NHSL3: variants seen among roughly 807,000 people sequenced by gnomAD.
The protein encoded by NHSL3 is NHS like 3.
At chr1:32,753,109 C>G in the NHSL3 span, among the ~76,000 whole-genome samples, 1 of 151,310 alleles carries the variant, frequency 6.6e-6, no homozygotes, top group Admixed American at 6.6e-5. Flanking sequence ...GGTGGGATTA[C>G]AGGCATGTGC....
At chr1:32,746,887 C>G in the NHSL3 span, among the ~76,000 whole-genome samples, 3 of 152,154 alleles carry the variant, frequency 2.0e-5, no homozygotes, top group Non-Finnish European at 2.9e-5. Context: ...TGTAGTCCTC[C>G]TGAGGGTTTC....
chr1:32,772,956 A>C, the NHSL3 span: 1 of 1,496,212 alleles, frequency 6.7e-7, no homozygotes, highest in Non-Finnish European at 9.3e-7. Context: ...GAGCAGCTCC[A>C]AGGACGAGAG....
the NHSL3 span, chr1:32,772,564 G>C: frequency 7.1e-7 from 1 of 1,414,202 alleles, no homozygotes; most frequent in Admixed American, 2.8e-5. Context: ...TGCCTGGGAA[G>C]GGCAAGCTGT....
At chr1:32,747,149 C>T in the NHSL3 span, among the ~76,000 whole-genome samples, 5 of 151,738 alleles carry the variant, frequency 3.3e-5, no homozygotes, top group African/African-American at 1.2e-4. Flanking sequence ...CTCTTTGGAC[C>T]AGACATGCCC....
chr1:32,746,202 G>A, the NHSL3 span, among the ~76,000 whole-genome samples: 1 of 144,528 alleles, frequency 6.9e-6, no homozygotes, highest in Non-Finnish European at 1.5e-5. Flanking sequence ...CTGCACTCTA[G>A]CCTGGGCGAC....
At chr1:32,770,408 C>G in the NHSL3 span, 1 of 1,608,004 alleles carries the variant, frequency 6.2e-7, no homozygotes, top group Non-Finnish European at 8.5e-7. The surrounding 1 kb of genome is among the most constrained non-coding windows in gnomAD (Gnocchi z 8.3). Flanking sequence ...CGCCACCCAT[C>G]CTCCTCCAGT....
At chr1:32,752,887 G>T in the NHSL3 span, among the ~76,000 whole-genome samples, 2 of 94,618 alleles carry the variant, frequency 2.1e-5, no homozygotes, top group Non-Finnish European at 4.5e-5. Context: ...CGTTTTTAAA[G>T]AAAAAAAAAA....
the NHSL3 span, among the ~76,000 whole-genome samples, chr1:32,745,830 T>A: frequency 2.0e-5 from 3 of 152,150 alleles, no homozygotes; most frequent in African/African-American, 7.2e-5. Flanking sequence ...AAGTTCACCC[T>A]GATCCATGTT....
chr1:32,752,970 TTG>T, the NHSL3 span, among the ~76,000 whole-genome samples: 3 of 132,494 alleles, frequency 2.3e-5, no homozygotes, highest in Middle Eastern at 4.5e-3. Context: ...TATATATATT[TTG>T]GTTTTTTTTT....
the NHSL3 span, among the ~76,000 whole-genome samples, chr1:32,762,634 G>T: frequency 6.6e-6 from 1 of 151,938 alleles, no homozygotes. Flanking sequence ...TCTTGCCCAG[G>T]CTGGAATGCA....
At chr1:32,764,657 A>AC in the NHSL3 span, among the ~76,000 whole-genome samples, 1 of 152,088 alleles carries the variant, frequency 6.6e-6, no homozygotes, top group Non-Finnish European at 1.5e-5. Context: ...ATTTTAGTAG[A>AC]GACAGGGTTT....
chr1:32,755,067 G>A, the NHSL3 span, among the ~76,000 whole-genome samples: 2 of 152,206 alleles, frequency 1.3e-5, no homozygotes, highest in Non-Finnish European at 2.9e-5. Context: ...GGGGAGGGGA[G>A]GGAAAGGGGA....
chr1:32,767,717 C>A, the NHSL3 span: 1 of 1,388,916 alleles, frequency 7.2e-7, no homozygotes, highest in Non-Finnish European at 9.8e-7. Context: ...ACTGCCCTTG[C>A]CGTGAGACCT....
the NHSL3 span, chr1:32,770,808 A>C: frequency 6.3e-7 from 1 of 1,596,608 alleles, no homozygotes; most frequent in Non-Finnish European, 8.5e-7. The surrounding 1 kb of genome is among the most constrained non-coding windows in gnomAD (Gnocchi z 8.3). Flanking sequence ...GTGGCTCAGA[A>C]GGGGCGGGGG....
the NHSL3 span, among the ~76,000 whole-genome samples, chr1:32,748,046 G>A: frequency 6.6e-6 from 1 of 152,194 alleles, no homozygotes; most frequent in Non-Finnish European, 1.5e-5. Context: ...GGAGGCAGAG[G>A]TTGCAGTGAG....
the NHSL3 span, chr1:32,770,216 C>A: frequency 6.2e-7 from 1 of 1,605,012 alleles, no homozygotes; most frequent in Non-Finnish European, 8.5e-7. This position sits in a 1 kb window ranked among gnomAD's most constrained non-coding sequence, Gnocchi z 8.3. Context: ...TCCATCTCCC[C>A]CCAGGCCACC....
chr1:32,762,466 A>C, the NHSL3 span, among the ~76,000 whole-genome samples: 12 of 145,412 alleles, frequency 8.3e-5, no homozygotes, highest in Non-Finnish European at 1.8e-4. Flanking sequence ...TTATATATTT[A>C]CTTTTTTTTT....
the NHSL3 span, chr1:32,772,318 C>T: frequency 1.2e-5 from 20 of 1,610,582 alleles, no homozygotes; most frequent in Non-Finnish European, 1.6e-5. Context: ...AGCTGAGCCC[C>T]TTACTGCTCC....
At chr1:32,750,217 C>T in the NHSL3 span, among the ~76,000 whole-genome samples, 3 of 152,102 alleles carry the variant, frequency 2.0e-5, no homozygotes, top group African/African-American at 7.2e-5. Flanking sequence ...CTCTGTCCGC[C>T]TCCCCCATCG....
Sources: allele counts gnomAD v4.1 joint callset (sites outside exome capture counted in the v4.1 genomes callset), GRCh38; gene constraint gnomAD v4.1.1; non-coding constraint Gnocchi (gnomAD v3.1); transcripts MANE v1.5; gene names NCBI Gene and HGNC (gene_info 2026-07-23, HGNC 2026-07-21).